ZNF208: variants seen among roughly 807,000 people sequenced by gnomAD.
ZNF208 encodes zinc finger protein 208, also known as zinc finger protein 95.
Under a neutral mutation model 12.1 loss-of-function variants are expected in ZNF208, and 10 were observed. The observed-to-expected ratio is 0.83, with a 90% CI of 0.51 to 1.40. The LOEUF is 1.40. ZNF208 is among the 40% of genes most tolerant of loss of function. ZNF208 has a pLI of 0.00. For synonymous variants in ZNF208, 497 were observed against 488.4 expected, an observed-to-expected ratio of 1.02 and a Z score of -0.23; for missense variants, 1,652 against 1,485.0, an observed-to-expected ratio of 1.11 and a Z score of -1.85.
rs530054937 is a variant in ZNF208 at position 21,988,256 on chromosome 19, T to C, written c.130+527A>G. Among the ~76,000 whole-genome samples, 3 of 152,154 alleles carry C rather than the reference T, an allele frequency of 2.0e-5. No individual in the cohort carries two copies. The South Asian group carries it at 6.2e-4, about 32-fold the overall frequency. The stretch of plus-strand genomic sequence containing the variant: ...CCTATGATTTTCTTGAAAATAGAAA[T>C]CTGAAAGCATAAATTACCAAAAAGA... On this transcript the variant is annotated intron_variant, in intron 2 of 3. Transcript: ENST00000397126.
At chr19:21,958,225 T>A (rs1213322559) in intron 4 of ZNF208, among the ~76,000 whole-genome samples, 1 of 152,060 alleles carries the variant, frequency 6.6e-6, no homozygotes, top group Non-Finnish European at 1.5e-5. Context: ...TGTCATACAT[T>A]TCTCATGAAC....
chr19:21,988,988 G>A (rs1198548828), intron 1 of ZNF208, 79 bp from the exon 2 acceptor site: 6 of 1,574,024 alleles, frequency 3.8e-6, no homozygotes, highest in African/African-American at 1.4e-5. Flanking sequence ...AATGCAGAGA[G>A]TAAAGAGAGC....
At chr19:21,985,792 C>T (rs1173119208) in intron 3 of ZNF208, among the ~76,000 whole-genome samples, 2 of 152,184 alleles carry the variant, frequency 1.3e-5, no homozygotes, top group East Asian at 1.9e-4. Flanking sequence ...GCCACTTCTG[C>T]CCATGTAGAA....
intron 3 of ZNF208, among the ~76,000 whole-genome samples, chr19:21,984,200 A>T (rs1169848764): frequency 6.6e-6 from 1 of 152,166 alleles, no homozygotes; most frequent in Non-Finnish European, 1.5e-5. Context: ...AAATTTTATG[A>T]ATTATTTTCT....
chr19:21,996,065 A>G (rs1970831880), intron 1 of ZNF208, among the ~76,000 whole-genome samples: 1 of 152,214 alleles, frequency 6.6e-6, no homozygotes. Context: ...CAGCAAGTAG[A>G]GTGAAATCAA....
Position 21,971,054 on chromosome 19 carries a change from T to A in ZNF208, c.*137A>T, listed in dbSNP as rs770262212. The A allele has an allele frequency of 2.5e-5, 40 of 1,611,320 alleles. No homozygotes were observed. The highest frequency in any genetic ancestry group is 1.6e-4 in the Middle Eastern group (1 of 6,072). ...TGTCTCTCCAGTATGAATTCTCTTA[T>A]GTTCCATAAGGTTTGAGGACCAGTT... On this transcript the variant is annotated 3_prime_UTR_variant, in exon 4 of 4. Transcript: ENST00000397126.
At position 21,973,676 on chromosome 19, in the gene ZNF208, T is replaced by G. The variant is rs768312127; in HGVS notation, c.1358A>C (p.Tyr453Ser). The change falls in exon 4 of 4, where the codon TAC (tyrosine) becomes TCC (serine). Residue 453 changes from tyrosine to serine, a missense_variant. Tyr to Ser is a moderately radical substitution (Grantham distance 144). Around this residue, in one of 3 missense-constraint regions of ZNF208, gnomAD observed 1,239 missense variants for 1,086.2 expected, o/e 1.14. Transcript: ENST00000397126. The stretch of plus-strand genomic sequence containing the variant: ...GCCTTTGCCACATTCTTCACATTTG[T>G]AGGGTGTCTCTCCAGTGTGAATTTT... ...HKKIHTGETP[Y>S]KCEECGKGFS... 1.3e-6 allele frequency: 2 copies of G among 1,571,422 alleles called. No homozygotes were observed. The highest frequency in any genetic ancestry group is 2.7e-5 in the African/African-American group (2 of 74,256).
In ZNF208 at chr19:21,988,787, G is replaced by A. The variant is rs1599625387; in HGVS notation, c.126C>T (p.Phe42=). 6.2e-7 allele frequency: 1 copy of A among 1,614,098 alleles called. No homozygotes were observed. The highest frequency in any genetic ancestry group is 1.3e-5 in the African/African-American group (1 of 75,038). Residue 42 remains phenylalanine, a synonymous_variant, in exon 2 of 4, where the codon TTC becomes TTT. Coordinates refer to ENST00000397126, the MANE Select transcript of ZNF208 (RefSeq NM_007153.3). The part of the protein sequence containing the change: ...VMLENYRNLV[F]LGIAAFKPDL... ...GCGTATTAAAGTTATTCTCACCCAG[G>A]AAGACCAGGTTTCTGTAGTTCTCTA...
chr19:21,959,915 T>G (rs527507644), intron 4 of ZNF208, among the ~76,000 whole-genome samples: 11 of 152,298 alleles, frequency 7.2e-5, no homozygotes, highest in African/African-American at 2.6e-4. Flanking sequence ...TTAAGCATTT[T>G]TAATTTTCAA....
At chr19:21,977,914 GC>G (rs1970463394) in intron 3 of ZNF208, among the ~76,000 whole-genome samples, 1 of 152,182 alleles carries the variant, frequency 6.6e-6, no homozygotes. Context: ...GTCCGCCATT[GC>G]TGAGGCTTGA....
In ZNF208 at chr19:21,975,426, C is replaced by T. The variant is rs182937220; in HGVS notation, c.227-619G>A. 1.1e-3 allele frequency among the ~76,000 whole-genome samples: 170 copies of T among 152,214 alleles called. 1 individual carries two copies. Among genetic ancestry groups the T allele is most frequent in the South Asian group, 1.0e-3 (5 of 4,832 alleles). ...CAGAAGAAAGATAAATAATCTCTCT[C>T]AACTAAAAGTAAATGCAAAACTTCA... On this transcript the variant is annotated intron_variant, in intron 3 of 3. Transcript: ENST00000397126.
At chr19:21,991,770 C>T (rs919877120) in intron 1 of ZNF208, 3 of 148,750 alleles carry the variant, frequency 2.0e-5, no homozygotes, top group Non-Finnish European at 3.0e-5. Flanking sequence ...GAATCAATTG[C>T]ATTTTTCAAA....
Position 21,973,118 on chromosome 19 carries a change from C to A in ZNF208, c.1916G>T (p.Cys639Phe). The stretch of plus-strand genomic sequence containing the variant: ...AATAAAGGTTTTGCCACATTCTTTA[C>A]ATTTGTAGGGCTTCTCTCCAGCATG... Reference protein sequence around the residue: ...AIHAGEKPYKCKECGKTFIKV... With the variant: ...AIHAGEKPYKFKECGKTFIKV... Residue 639 changes from cysteine (C) to phenylalanine (F), a missense_variant, in exon 4 of 4, where the codon TGT (cysteine) becomes TTT (phenylalanine). Cys to Phe is a radical substitution (Grantham distance 205, BLOSUM62 -2). Coordinates refer to ENST00000397126, the MANE Select transcript of ZNF208 (RefSeq NM_007153.3). 1 of 1,613,388 alleles carries A rather than the reference C, an allele frequency of 6.2e-7. No individual in the cohort carries two copies. The highest frequency in any genetic ancestry group is 8.5e-7 in the Non-Finnish European group (1 of 1,179,644).
chr19:21,959,428 C>T (rs1970028147), intron 4 of ZNF208, among the ~76,000 whole-genome samples: 1 of 152,180 alleles, frequency 6.6e-6, no homozygotes, highest in Admixed American at 6.5e-5. Context: ...GGCCATGATT[C>T]ACATTTTATT....
chr19:21,972,731 T>G lies in ZNF208; in HGVS notation c.2303A>C (p.Lys768Thr). 1 of 1,589,220 alleles carries G rather than the reference T, an allele frequency of 6.3e-7. No individual in the cohort carries two copies. Among genetic ancestry groups the G allele is most frequent in the Non-Finnish European group, 8.6e-7 (1 of 1,166,202 alleles). Residue 768 changes from lysine (K) to threonine (T), a missense_variant, in exon 4 of 4, where the codon AAG becomes ACG. By Grantham distance (78) the Lys-to-Thr change is moderately conservative. Coordinates refer to ENST00000397126, the MANE Select transcript of ZNF208 (RefSeq NM_007153.3). ...GGGTTTCTCTACAGTATGAATTTTC[T>G]TATGATAACTAAGGGTTGAGGACCA... Reference protein sequence around the residue: ...YKWSSTLSYHKKIHTVEKPYK... With the variant: ...YKWSSTLSYHTKIHTVEKPYK...
Position 21,967,358 on chromosome 19 carries a change from G to A in ZNF208, c.*3833C>T, listed in dbSNP as rs1471711550. On this transcript the variant is annotated 3_prime_UTR_variant, in exon 4 of 4. Coordinates refer to ENST00000397126, the MANE Select transcript of ZNF208 (RefSeq NM_007153.3). The stretch of plus-strand genomic sequence containing the variant: ...TTTGTAAAAATAACCTGATTGCAAA[G>A]TATAGCTTAATTCAGTACTCTCTCT... The A allele has an allele frequency of 6.6e-6, 1 of 152,002 alleles. No individual in the cohort carries two copies. The highest frequency in any genetic ancestry group is 1.9e-4 in the East Asian group (1 of 5,184). 9.4% of individuals were successfully genotyped at this position (152,002 alleles called of 1,614,324 possible).
Position 21,975,942 on chromosome 19 carries a change from T to C in ZNF208, c.227-1135A>G, listed in dbSNP as rs566517796. On this transcript the variant is annotated intron_variant, in intron 3 of 3. Transcript: ENST00000397126. Reference sequence around the variant, plus strand: ...TCAAAATAACTAAATTCTTAAGAAGTATATTAGCACTGCATATGTCTTCCA... The same window carrying C: ...TCAAAATAACTAAATTCTTAAGAAGCATATTAGCACTGCATATGTCTTCCA... Among the ~76,000 whole-genome samples, 5 of 149,340 alleles carry C rather than the reference T, an allele frequency of 3.3e-5. No individual in the cohort carries two copies. The South Asian group carries it at 6.4e-4, about 19-fold the overall frequency.
intron 3 of ZNF208, among the ~76,000 whole-genome samples, chr19:21,975,469 T>C (rs746334541): frequency 1.2e-4 from 19 of 152,104 alleles, no homozygotes; most frequent in Non-Finnish European, 1.9e-4. Flanking sequence ...AATCTGAAGA[T>C]GTTTGAGAGG....
At chr19:21,980,212 C>A (rs117638181) in intron 3 of ZNF208, among the ~76,000 whole-genome samples, 1 of 151,996 alleles carries the variant, frequency 6.6e-6, no homozygotes, top group Non-Finnish European at 1.5e-5. Context: ...GAACTCAGCT[C>A]TGGACCAAGC....
Sources: allele counts gnomAD v4.1 joint callset (sites outside exome capture counted in the v4.1 genomes callset), GRCh38; gene constraint gnomAD v4.1.1; regional missense constraint gnomAD v4.1.1; transcripts MANE v1.5; gene names NCBI Gene and HGNC (gene_info 2026-07-23, HGNC 2026-07-21).